The following EPC1 variants were observed in gnomAD, a reference collection of about 807,000 sequenced individuals.
The protein encoded by EPC1 is enhancer of polycomb 1, also known as enhancer of polycomb homolog 1.
Under a neutral mutation model 98.4 loss-of-function variants are expected in EPC1, and 12 were observed. The observed-to-expected ratio is 0.12, with a 90% confidence interval of 0.08 to 0.20. The LOEUF is 0.20. EPC1 is among the 10% of genes least tolerant of loss of function. The pLI is 1.00. For synonymous variants in EPC1, 357 were observed against 363.9 expected (o/e 0.98, Z 0.21); for missense variants, 729 against 990.5 (o/e 0.74, Z 3.54).
chr10:32,294,413 A>G (rs567945189), intron 2 of EPC1, among the ~76,000 whole-genome samples: 9 of 152,222 alleles, frequency 5.9e-5, no homozygotes, highest in Non-Finnish European at 1.3e-4. Flanking sequence ...TGGTGATTTT[A>G]TGTAATATTT....
At chr10:32,343,867 G>GT (rs1838556586) in intron 1 of EPC1, among the ~76,000 whole-genome samples, 3 of 152,250 alleles carry the variant, frequency 2.0e-5, no homozygotes, top group South Asian at 2.1e-4. Context: ...CAGAAACAAC[G>GT]TAACAATTAC....
At chr10:32,350,695 A>G (rs936043095), upstream of EPC1, among the ~76,000 whole-genome samples, 1 of 152,164 alleles carries the variant, frequency 6.6e-6, no homozygotes, top group African/African-American at 2.4e-5. Context: ...TAATCATTAC[A>G]TATAATAGCA....
intron 1 of EPC1, among the ~76,000 whole-genome samples, chr10:32,371,482 T>G (rs1445753143): frequency 6.6e-6 from 1 of 152,174 alleles, no homozygotes; most frequent in Non-Finnish European, 1.5e-5. Context: ...AAACTCTACT[T>G]TTACCTACTT....
At position 32,347,128 on chromosome 10, in the gene EPC1, G is replaced by A. The variant is rs568400587; in HGVS notation, c.-213C>T. 63 of 1,428,016 alleles carry A rather than the reference G, an allele frequency of 4.4e-5. No homozygotes were observed. In the African/African-American group the frequency reaches 8.4e-4, roughly 19 times the overall value. 88.5% of individuals were successfully genotyped at this position (1,428,016 alleles called of 1,614,324 possible). ...CGCTCGCTCTCTTCAATACGCCATG[G>A]CCAACATGGCGGACATTAAAACTCC... On this transcript the variant is annotated 5_prime_UTR_variant, in exon 1 of 14. Transcript: ENST00000319778.
chr10:32,270,748 G>A (rs1285493422), intron 13 of EPC1, among the ~76,000 whole-genome samples: 1 of 147,606 alleles, frequency 6.8e-6, no homozygotes, highest in African/African-American at 2.5e-5. Context: ...CTTGAACCTG[G>A]GAGGCAGAGA....
intron 1 of EPC1, chr10:32,345,681 C>A: frequency 1.0e-6 from 1 of 954,584 alleles, no homozygotes; most frequent in South Asian, 4.8e-5. Flanking sequence ...ACTTCCACAA[C>A]AAGGTAAAGC....
At chr10:32,347,642 G>C (rs1838944541), upstream of EPC1, among the ~76,000 whole-genome samples, 1 of 152,092 alleles carries the variant, frequency 6.6e-6, no homozygotes, top group African/African-American at 2.4e-5. Context: ...GGGCTTCGGA[G>C]GGGCGCTCCA....
intron 1 of EPC1, chr10:32,345,225 T>A (rs1313805968): frequency 2.0e-6 from 2 of 985,260 alleles, no homozygotes; most frequent in African/African-American, 3.5e-5. Flanking sequence ...TAGTGTCTCA[T>A]GAGACAATGT....
chr10:32,339,697 AAGCAAGGCCGTTCT>A (rs1383281345), intron 1 of EPC1, among the ~76,000 whole-genome samples: 1 of 152,222 alleles, frequency 6.6e-6, no homozygotes, highest in Non-Finnish European at 1.5e-5. Context: ...TGAGAACAAA[AAGCAAGGCCGTTCT>A]AAAAATTCTA....
intron 1 of EPC1, among the ~76,000 whole-genome samples, chr10:32,362,269 A>T (rs1222092167): frequency 6.6e-6 from 1 of 151,880 alleles, no homozygotes; most frequent in Admixed American, 6.6e-5. Context: ...TAGTTTAGAT[A>T]TGTGTCCCTG....
At position 32,271,882 on chromosome 10, in the gene EPC1, G is replaced by A. The variant is rs1835862667; in HGVS notation, c.2041C>T (p.Pro681Ser). 6.2e-7 allele frequency: 1 copy of A among 1,614,076 alleles called. No homozygotes were observed. Among genetic ancestry groups the A allele is most frequent in the Non-Finnish European group, 8.5e-7 (1 of 1,179,980 alleles). The change falls in exon 13 of 14, where the codon CCA becomes TCA. Residue 681 changes from proline to serine, a missense_variant. Coordinates refer to ENST00000319778, the MANE Select transcript of EPC1 (RefSeq NM_001272004.3). Reference protein sequence around the residue: ...YKGLHLSSTTPTALVHTSPST... With the variant: ...YKGLHLSSTTSTALVHTSPST... ...GGACTTGTATGTACAAGTGCTGTTG[G>A]TGTAGTACTACTGAGGTGTAAGCCC...
chr10:32,351,863 T>C (rs1419144775), upstream of EPC1, among the ~76,000 whole-genome samples: 2 of 148,654 alleles, frequency 1.3e-5, no homozygotes, highest in South Asian at 4.3e-4. Context: ...CACAAGTAGC[T>C]GGGATTACAA....
chr10:32,366,245 C>G (rs901847391), intron 1 of EPC1, among the ~76,000 whole-genome samples: 1 of 152,012 alleles, frequency 6.6e-6, no homozygotes, highest in Non-Finnish European at 1.5e-5. Flanking sequence ...TTTATTGGGC[C>G]CCACCTCTGT....
chr10:32,348,228 A>G (rs1838983252), upstream of EPC1, among the ~76,000 whole-genome samples: 2 of 152,238 alleles, frequency 1.3e-5, no homozygotes, highest in Admixed American at 1.3e-4. Flanking sequence ...GCATCGGTTT[A>G]TATTACACAT....
chr10:32,353,859 T>A (rs1214539236), intron 1 of EPC1, among the ~76,000 whole-genome samples: 1 of 152,268 alleles, frequency 6.6e-6, no homozygotes, highest in Admixed American at 6.5e-5. Flanking sequence ...TCCTGCTTTT[T>A]ACTTTCATAA....
chr10:32,275,640 T>C (rs905965623), intron 10 of EPC1, among the ~76,000 whole-genome samples: 2 of 149,708 alleles, frequency 1.3e-5, no homozygotes, highest in Non-Finnish European at 3.0e-5. Flanking sequence ...CCGGGCGTGG[T>C]GGCACGTGCC....
In EPC1 at chr10:32,330,062, T is replaced by C. The variant is rs74819508; in HGVS notation, c.153+16701A>G. Among the ~76,000 whole-genome samples, 16 of 152,316 alleles carry C rather than the reference T, an allele frequency of 1.1e-4. No individual in the cohort carries two copies. The East Asian group carries it at 3.1e-3, about 29-fold the overall frequency. ...GTACTAAAAGGACATAGGAGCCAGA[T>C]TACATAAAGCCTAGTATATAATGCC... On this transcript the variant is annotated intron_variant, in intron 1 of 13. Coordinates refer to ENST00000319778, the MANE Select transcript of EPC1 (RefSeq NM_001272004.3).
chr10:32,270,914 G>A (rs1835811164), intron 13 of EPC1, among the ~76,000 whole-genome samples: 1 of 150,356 alleles, frequency 6.7e-6, no homozygotes, highest in Non-Finnish European at 1.5e-5. Flanking sequence ...TACATGAGAA[G>A]CTGTGGAAAA....
At chr10:32,378,490 CCATTAGTGCAGG>C in exon 1 of EPC1, 1 of 1,545,630 alleles carries the variant, frequency 6.5e-7, no homozygotes, top group Non-Finnish European at 8.7e-7. Flanking sequence ...TACAAACTTA[CCATTAGTGCAGG>C]CAAAGAAGAC....
Sources: gnomAD v4.1 joint callset for allele counts (sites outside exome capture counted in the v4.1 genomes callset) on GRCh38, gnomAD v4.1.1 for gene constraint, MANE v1.5 for transcripts, NCBI Gene and HGNC (gene_info 2026-07-23, HGNC 2026-07-21) for gene names.